R3HDM2: variants seen among roughly 807,000 people sequenced by gnomAD.
The protein encoded by R3HDM2 is R3H domain containing 2.
A neutral mutation model predicts 124.5 loss-of-function variants in R3HDM2; 38 were observed. The ratio of observed to expected loss-of-function variants is 0.31; its 90% confidence interval spans 0.24 to 0.40. The LOEUF (loss-of-function observed/expected upper bound fraction) is 0.40. R3HDM2 is among the 10% of genes least tolerant of loss of function. R3HDM2 has a pLI of 1.00. For synonymous variants in R3HDM2, 391 were observed against 448.0 expected (o/e 0.87, Z 1.61); for missense variants, 869 against 1,236.9 (o/e 0.70, Z 4.46).
rs181350884 is a variant in R3HDM2, at chr12:57,303,522, T to C, written c.166-305A>G. ...ACTTTGGGAGGCCGAGGCAGGCGGA[T>C]CCCTTGAGCTCAGGAGTTTGAGACC... is the stretch of plus-strand genomic sequence containing the variant. On this transcript the variant is annotated intron_variant, in intron 3 of 23. Transcript: ENST00000402412. 1.3e-3 allele frequency among the ~76,000 whole-genome samples: 190 copies of C among 149,652 alleles called. 1 individual carries two copies. The East Asian group carries it at 0.028, about 22-fold the overall frequency.
chr12:57,275,592 T>G (rs1434854803), intron 14 of R3HDM2, among the ~76,000 whole-genome samples: 1 of 147,026 alleles, frequency 6.8e-6, no homozygotes, highest in Non-Finnish European at 1.5e-5. Flanking sequence ...AAGACTAATA[T>G]CCAGAATCTA....
chr12:57,256,221 G>T, intron 22 of R3HDM2, 147 bp from the exon 23 acceptor site: 1 of 909,212 alleles, frequency 1.1e-6, no homozygotes. Context: ...AGCAGCGACT[G>T]AGAAACAAAG....
In R3HDM2 at chr12:57,297,447, T is replaced by C. The variant is rs959773215; in HGVS notation, c.501-60A>G. 31 of 1,063,068 alleles carry C rather than the reference T, an allele frequency of 2.9e-5. No individual in the cohort carries two copies. In the African/African-American group the frequency reaches 3.1e-4, roughly 11 times the overall value. The allele number at this position is 1,063,068 out of a possible 1,614,324, so 65.9% of individuals were successfully genotyped here. A position where few individuals can be genotyped will look rare whatever the true frequency, so the allele number is the denominator to read the frequency against. ...ACAAAAAGCAGCCCTCCCATAGACA[T>C]TGAAAGTGGGGATTGAAAACACAAC... On this transcript the variant is annotated intron_variant, in intron 7 of 23. Transcript: ENST00000402412.
intron 1 of R3HDM2, among the ~76,000 whole-genome samples, chr12:57,402,614 C>T (rs1436686049): frequency 6.6e-6 from 1 of 151,984 alleles, no homozygotes; most frequent in African/African-American, 2.4e-5. Flanking sequence ...ACTAAAAATA[C>T]AAAAATTAGC....
chr12:57,381,751 G>A (rs1290561902), intron 2 of R3HDM2, among the ~76,000 whole-genome samples: 1 of 151,972 alleles, frequency 6.6e-6, no homozygotes. Flanking sequence ...GAATTAGGTG[G>A]GCAGGCTGAG....
chr12:57,370,455 A>C (rs1364573340), intron 2 of R3HDM2, among the ~76,000 whole-genome samples: 1 of 147,812 alleles, frequency 6.8e-6, no homozygotes, highest in Non-Finnish European at 1.5e-5. Flanking sequence ...AGCCTGACCA[A>C]CATGGAAAAA....
intron 3 of R3HDM2, chr12:57,305,537 T>A (rs535696103): frequency 2.5e-6 from 1 of 397,486 alleles, no homozygotes; most frequent in South Asian, 1.3e-4. Context: ...TCTGCTTATT[T>A]CCCAGAATGG....
Position 57,430,706 on chromosome 12 carries a change from G to C in R3HDM2, c.-106+14C>G, listed in dbSNP as rs1869694548. 2.0e-6 allele frequency: 1 copy of C among 497,160 alleles called. No individual in the cohort carries two copies. Among genetic ancestry groups the C allele is most frequent in the African/African-American group, 2.1e-5 (1 of 47,586 alleles). 30.8% of individuals were successfully genotyped at this position (497,160 alleles called of 1,614,324 possible). A position where few individuals can be genotyped will look rare whatever the true frequency, so the allele number is the denominator to read the frequency against. ...TCCGGGCCGCCCGCCCCCTCGGCCG[G>C]GAGGTGGCCTCACCTCGCACGGGCC... is the stretch of plus-strand genomic sequence containing the variant. On this transcript the variant is annotated intron_variant, in intron 1 of 23. Transcript: ENST00000402412.
chr12:57,430,274 T>C (rs1428538303), intron 1 of R3HDM2, among the ~76,000 whole-genome samples: 2 of 152,128 alleles, frequency 1.3e-5, no homozygotes, highest in African/African-American at 2.4e-5. Flanking sequence ...AACATCTCCC[T>C]GTATGTGCCA....
At chr12:57,396,127 C>T (rs2067459958) in intron 1 of R3HDM2, among the ~76,000 whole-genome samples, 1 of 152,182 alleles carries the variant, frequency 6.6e-6, no homozygotes, top group Non-Finnish European at 1.5e-5. Context: ...AATTCTTCAG[C>T]TCTTTTTTAC....
At chr12:57,364,100 A>G (rs1034576977) in intron 2 of R3HDM2, among the ~76,000 whole-genome samples, 2 of 148,920 alleles carry the variant, frequency 1.3e-5, no homozygotes, top group African/African-American at 4.9e-5. Flanking sequence ...CTTATGTAAT[A>G]GTTTGCTAGG....
At chr12:57,298,433 TG>T (rs2050362601) in intron 6 of R3HDM2, among the ~76,000 whole-genome samples, 2 of 152,182 alleles carry the variant, frequency 1.3e-5, no homozygotes, top group African/African-American at 4.8e-5. Context: ...AGGTATTTAC[TG>T]AATGTCCTGA....
chr12:57,303,907 A>G (rs1243438414), intron 3 of R3HDM2, among the ~76,000 whole-genome samples: 1 of 152,252 alleles, frequency 6.6e-6, no homozygotes, highest in Non-Finnish European at 1.5e-5. Context: ...TGTCTTATTT[A>G]GGATGCTTCT....
intron 12 of R3HDM2, among the ~76,000 whole-genome samples, chr12:57,288,010 T>C (rs2047725463): frequency 6.7e-6 from 1 of 148,346 alleles, no homozygotes; most frequent in Non-Finnish European, 1.5e-5. Flanking sequence ...AGAGGTCCCT[T>C]AGGTCTTTTT....
intron 2 of R3HDM2, among the ~76,000 whole-genome samples, chr12:57,382,881 A>T (rs1239510293): frequency 6.6e-6 from 1 of 151,922 alleles, no homozygotes; most frequent in Non-Finnish European, 1.5e-5. Context: ...TTATTTATTT[A>T]TTTATTGAGA....
At chr12:57,281,365 T>C (rs887105883) in intron 13 of R3HDM2, among the ~76,000 whole-genome samples, 2 of 152,128 alleles carry the variant, frequency 1.3e-5, no homozygotes, top group Non-Finnish European at 2.9e-5. Flanking sequence ...TTTCCCCATT[T>C]CTAGGCTCTC....
At chr12:57,403,536 T>G (rs1418344501) in intron 1 of R3HDM2, among the ~76,000 whole-genome samples, 2 of 151,892 alleles carry the variant, frequency 1.3e-5, no homozygotes, top group East Asian at 3.9e-4. Context: ...GGGCCTGGCA[T>G]GGTGGCTCAC....
At chr12:57,422,370 T>C (rs529556802) in intron 1 of R3HDM2, among the ~76,000 whole-genome samples, 1 of 152,286 alleles carries the variant, frequency 6.6e-6, no homozygotes, top group Admixed American at 6.5e-5. Context: ...CTCTCTAGTC[T>C]TTTCTGTAAT....
At chr12:57,336,476 T>C (rs2058855370) in intron 2 of R3HDM2, among the ~76,000 whole-genome samples, 1 of 152,138 alleles carries the variant, frequency 6.6e-6, no homozygotes, top group East Asian at 1.9e-4. Context: ...TGGAATACTA[T>C]GCAGCCATAA....
Sources: allele counts gnomAD v4.1 joint callset (sites outside exome capture counted in the v4.1 genomes callset), GRCh38; gene constraint gnomAD v4.1.1; transcripts MANE v1.5; gene names NCBI Gene and HGNC (gene_info 2026-07-23, HGNC 2026-07-21).